SESTD1: variants seen among roughly 807,000 people sequenced by gnomAD.
SESTD1 encodes the protein SEC14 domain and spectrin repeat-containing protein 1.
Under a neutral mutation model 101.7 loss-of-function variants are expected in SESTD1, and 43 were observed. The ratio of observed to expected loss-of-function variants is 0.42; its 90% CI spans 0.33 to 0.55. SESTD1 has a LOEUF of 0.55. SESTD1 is among the 20% of genes least tolerant of loss of function. SESTD1 has a pLI of 0.07. For missense variants in SESTD1, 647 were observed against 815.1 expected (o/e 0.79, Z 2.51); for synonymous variants, 283 against 286.8 (o/e 0.99, Z 0.13).
chr2:179,210,932 C>T lies in SESTD1; in HGVS notation c.-25-19066G>A, dbSNP rs536664717. ...GACATGATTGTAGACCAATACAACA[C>T]TAAAAAACTCCTAGATCTGATCAAT... On this transcript the variant is annotated intron_variant, in intron 1 of 17. Coordinates refer to ENST00000428443, the MANE Select transcript of SESTD1 (RefSeq NM_178123.5). 3.0e-5 allele frequency among the ~76,000 whole-genome samples: 4 copies of T among 133,854 alleles called. 2 individuals carry two copies. Among genetic ancestry groups the T allele is most frequent in the African/African-American group, 5.9e-5 (2 of 33,778 alleles). The allele number at this position is 133,854 out of a possible 152,430, so 87.8% of individuals were successfully genotyped here.
At chr2:179,190,094 G>A (rs925461439) in intron 2 of SESTD1, among the ~76,000 whole-genome samples, 5 of 151,992 alleles carry the variant, frequency 3.3e-5, no homozygotes, top group Admixed American at 6.6e-5. Context: ...ATTAGCTACA[G>A]CAATTCTAAG....
At chr2:179,123,890 G>T in intron 11 of SESTD1, 61 bp from the exon 12 acceptor site, 3 of 1,219,960 alleles carry the variant, frequency 2.5e-6, no homozygotes, top group Non-Finnish European at 3.6e-6. Context: ...AGTGTTTAAT[G>T]ATTAATGAGG....
intron 1 of SESTD1, among the ~76,000 whole-genome samples, chr2:179,224,401 C>T (rs1198570050): frequency 1.3e-5 from 2 of 152,174 alleles, no homozygotes; most frequent in African/African-American, 4.8e-5. Context: ...AAACCTAAGG[C>T]TAAGTCCAAG....
At chr2:179,151,779 C>T (rs2045535845) in intron 5 of SESTD1, among the ~76,000 whole-genome samples, 1 of 152,078 alleles carries the variant, frequency 6.6e-6, no homozygotes, top group Admixed American at 6.6e-5. Flanking sequence ...AAGAGTAAAT[C>T]TGGCAATCAA....
intron 5 of SESTD1, among the ~76,000 whole-genome samples, chr2:179,168,636 A>G (rs1387265819): frequency 6.6e-6 from 1 of 152,258 alleles, no homozygotes; most frequent in Non-Finnish European, 1.5e-5. Flanking sequence ...ACTGCAAGAT[A>G]CATTAAAAGA....
At chr2:179,196,204 C>G (rs144018565) in intron 1 of SESTD1, among the ~76,000 whole-genome samples, 1 of 152,200 alleles carries the variant, frequency 6.6e-6, no homozygotes, top group Non-Finnish European at 1.5e-5. Context: ...CAGATGGCAC[C>G]TGGAAAATTG....
At chr2:179,110,378 G>A (rs1048175961) in intron 17 of SESTD1, among the ~76,000 whole-genome samples, 2 of 152,098 alleles carry the variant, frequency 1.3e-5, no homozygotes, top group African/African-American at 2.4e-5. Flanking sequence ...GAGTGCTACC[G>A]GCTGGGGACA....
chr2:179,121,664 A>G lies in SESTD1; in HGVS notation c.1442+106T>C, dbSNP rs2044753980. On this transcript the variant is annotated intron_variant, in intron 13 of 17. Coordinates refer to ENST00000428443, the MANE Select transcript of SESTD1 (RefSeq NM_178123.5). ...ACCAAAAACCTACTACATGTCTTCTATATAACAGTTAAGAACGTTTTGTCT... is the reference window on the plus strand; with the variant it reads ...ACCAAAAACCTACTACATGTCTTCTGTATAACAGTTAAGAACGTTTTGTCT... The G allele has an allele frequency of 8.7e-6, 8 of 919,306 alleles. No homozygotes were observed. The South Asian group carries it at 1.7e-4, about 20-fold the overall frequency. 56.9% of individuals were successfully genotyped at this position (919,306 alleles called of 1,614,324 possible). A position where few individuals can be genotyped will look rare whatever the true frequency, so the allele number is the denominator to read the frequency against.
At chr2:179,196,229 G>A (rs2046391006) in intron 1 of SESTD1, among the ~76,000 whole-genome samples, 1 of 152,220 alleles carries the variant, frequency 6.6e-6, no homozygotes, top group Admixed American at 6.5e-5. Context: ...ACTCCCACTC[G>A]AATCCTGCGC....
intron 1 of SESTD1, among the ~76,000 whole-genome samples, chr2:179,232,962 T>A (rs1191537001): frequency 2.0e-5 from 3 of 152,210 alleles, no homozygotes; most frequent in African/African-American, 7.2e-5. Flanking sequence ...AACACTTTTC[T>A]GTGTATAGCT....
intron 1 of SESTD1, among the ~76,000 whole-genome samples, chr2:179,221,618 GA>G (rs751713024): frequency 0.043 from 5,158 of 120,212 alleles, 219 homozygotes; most frequent in African/African-American, 0.13. Flanking sequence ...GACTGTTAAG[GA>G]AAAAAAAAAA....
chr2:179,201,097 C>T (rs1233018067), intron 1 of SESTD1, among the ~76,000 whole-genome samples: 4 of 134,188 alleles, frequency 3.0e-5, no homozygotes, highest in Admixed American at 2.9e-4. Context: ...ACAACCCCAT[C>T]AAAAAGTGGG....
Position 179,191,814 on chromosome 2 carries a change from G to C in SESTD1, c.28C>G (p.Leu10Val), listed in dbSNP as rs2046324008. Reference sequence around the variant, plus strand: ...GAAAGGAAGGCTAGTTTTTTCTTCAGAATGGGTAATATTACTGAGGCCTCC... The same window carrying C: ...GAAAGGAAGGCTAGTTTTTTCTTCACAATGGGTAATATTACTGAGGCCTCC... MEASVILPI[L>V]KKKLAFLSGG... The change falls in exon 2 of 18, where the codon CTG becomes GTG. Residue 10 changes from leucine (L) to valine (V), a missense_variant. Physicochemically the swap from Leu to Val is conservative, Grantham distance 32. This residue lies in a region of SESTD1 where 168 missense variants were observed against 235.1 expected (regional missense o/e 0.71). Coordinates refer to ENST00000428443, the MANE Select transcript of SESTD1 (RefSeq NM_178123.5). The C allele has an allele frequency of 6.2e-7, 1 of 1,612,582 alleles. No homozygotes were observed. The highest frequency in any genetic ancestry group is 1.3e-5 in the African/African-American group (1 of 74,854).
intron 1 of SESTD1, among the ~76,000 whole-genome samples, chr2:179,224,438 T>C (rs933335708): frequency 1.3e-5 from 2 of 152,308 alleles, no homozygotes; most frequent in African/African-American, 2.4e-5. Flanking sequence ...ATAAGAAATA[T>C]ACTCTGTATT....
intron 3 of SESTD1, among the ~76,000 whole-genome samples, chr2:179,179,382 C>G (rs1035905084): frequency 9.2e-5 from 14 of 152,108 alleles, no homozygotes. Context: ...TGAGTTAAAA[C>G]AGCTATGTAA....
intron 11 of SESTD1, 24 bp downstream of exon 11, chr2:179,124,340 A>T: frequency 6.3e-7 from 1 of 1,588,394 alleles, no homozygotes; most frequent in Non-Finnish European, 8.6e-7. Context: ...TGAAGAAAAG[A>T]AAAGAATCAG....
chr2:179,173,285 T>G (rs2045956396), intron 4 of SESTD1, among the ~76,000 whole-genome samples: 1 of 152,204 alleles, frequency 6.6e-6, no homozygotes, highest in African/African-American at 2.4e-5. Flanking sequence ...CTCAGTCTCT[T>G]TCACTGCTGT....
At chr2:179,127,635 C>G (rs557921234) in intron 10 of SESTD1, among the ~76,000 whole-genome samples, 1 of 152,304 alleles carries the variant, frequency 6.6e-6, no homozygotes, top group African/African-American at 2.4e-5. Context: ...CTGCAAAATA[C>G]CCTACCATGT....
intron 5 of SESTD1, among the ~76,000 whole-genome samples, chr2:179,160,320 C>T (rs1385980187): frequency 6.6e-6 from 1 of 152,022 alleles, no homozygotes; most frequent in Non-Finnish European, 1.5e-5. Context: ...GAAACAATGA[C>T]ACAATTGCTG....
Sources: allele counts gnomAD v4.1 joint callset (sites outside exome capture counted in the v4.1 genomes callset), GRCh38; gene constraint gnomAD v4.1.1; regional missense constraint gnomAD v4.1.1; transcripts MANE v1.5; gene names NCBI Gene and HGNC (gene_info 2026-07-23, HGNC 2026-07-21).